The following WDPCP variants were observed in gnomAD, a reference collection of about 807,000 sequenced individuals.
The protein encoded by WDPCP is WD repeat-containing and planar cell polarity effector protein fritz homolog.
In WDPCP, 71 loss-of-function variants were observed where a neutral mutation model predicts 93.1. The ratio of observed to expected loss-of-function variants is 0.76; its 90% confidence interval spans 0.63 to 0.93. WDPCP has a LOEUF of 0.93. WDPCP is among the 40% of genes least tolerant of loss of function. WDPCP has a pLI of 0.00. For synonymous variants in WDPCP, 315 were observed against 315.0 expected (o/e 1.00, Z 0.00); for missense variants, 844 against 887.4 (o/e 0.95, Z 0.62).
chr2:63,684,393 G>A, intron 2 of WDPCP: 1 of 794,436 alleles, frequency 1.3e-6, no homozygotes, highest in Non-Finnish European at 2.2e-6. Context: ...GAAGAACATT[G>A]ATGATGGCAC....
At chr2:63,319,011 C>T (rs1437335090) in intron 12 of WDPCP, among the ~76,000 whole-genome samples, 2 of 152,126 alleles carry the variant, frequency 1.3e-5, no homozygotes, top group African/African-American at 4.8e-5. Flanking sequence ...TAAAAAGGAA[C>T]TACAAATAGA....
At chr2:63,428,795 G>C (rs1340083001) in intron 9 of WDPCP, among the ~76,000 whole-genome samples, 1 of 152,078 alleles carries the variant, frequency 6.6e-6, no homozygotes, top group Admixed American at 6.5e-5. Flanking sequence ...ATTCACAATA[G>C]CCACAAAAAG....
intron 14 of WDPCP, among the ~76,000 whole-genome samples, chr2:63,202,528 C>G (rs556890846): frequency 6.6e-6 from 1 of 151,954 alleles, no homozygotes; most frequent in African/African-American, 2.4e-5. Flanking sequence ...TTTTTTTCCA[C>G]GTGATTTTTC....
rs1692026134 is a variant in WDPCP, at chr2:63,378,374, C to T, written c.1748+12G>A. The T allele has an allele frequency of 1.9e-6, 3 of 1,612,726 alleles. No homozygotes were observed. The highest frequency in any genetic ancestry group is 2.7e-5 in the African/African-American group (2 of 74,954). ...TTAGTCTGACGCTAATCAATCCAAA[C>T]ATATCATTCACCTGAGCAAGTGATG... On this transcript the variant is annotated intron_variant, in intron 12 of 17. Coordinates refer to ENST00000272321, the MANE Select transcript of WDPCP (RefSeq NM_015910.7).
At chr2:63,698,017 G>T (rs568840238) in intron 2 of WDPCP, among the ~76,000 whole-genome samples, 1 of 151,768 alleles carries the variant, frequency 6.6e-6, no homozygotes. Flanking sequence ...GTGCAGTGGC[G>T]TGATCTCGGC....
intron 10 of WDPCP, among the ~76,000 whole-genome samples, chr2:63,392,138 C>A (rs1341746930): frequency 9.9e-5 from 15 of 152,166 alleles, no homozygotes; most frequent in Non-Finnish European, 2.1e-4. Flanking sequence ...TCAAACTATA[C>A]TACAAGGCTA....
chr2:63,706,008 T>C (rs527872154), intron 2 of WDPCP, among the ~76,000 whole-genome samples: 5 of 152,320 alleles, frequency 3.3e-5, no homozygotes, highest in African/African-American at 1.2e-4. Context: ...ATATTTAGAA[T>C]AGTTAGTTCT....
intron 17 of WDPCP, among the ~76,000 whole-genome samples, chr2:63,131,864 C>T (rs1369125672): frequency 1.6e-5 from 2 of 127,388 alleles, no homozygotes; most frequent in African/African-American, 6.0e-5. Context: ...GAGATGGGGT[C>T]TCGCTCTGTC....
chr2:63,297,461 C>T (rs1291976185), intron 13 of WDPCP, among the ~76,000 whole-genome samples: 1 of 152,194 alleles, frequency 6.6e-6, no homozygotes, highest in Non-Finnish European at 1.5e-5. Context: ...CCCTAACATA[C>T]TCTTGAATGG....
At chr2:63,573,526 C>T (rs7607257) in intron 1 of WDPCP, among the ~76,000 whole-genome samples, 123,659 of 152,238 alleles carry the variant, frequency 0.81, 51,047 homozygotes, top group East Asian at 0.98. Context: ...TTCCTATGCC[C>T]GTTTTTACTT....
At chr2:63,572,668 A>ACTC (rs1390397567) in intron 1 of WDPCP, among the ~76,000 whole-genome samples, 2 of 124,962 alleles carry the variant, frequency 1.6e-5, no homozygotes, top group Non-Finnish European at 3.2e-5. Context: ...GCACCACTGT[A>ACTC]CTCCAGCTGG....
chr2:63,543,729 C>A (rs1362398277), intron 1 of WDPCP, among the ~76,000 whole-genome samples: 1 of 151,962 alleles, frequency 6.6e-6, no homozygotes, highest in Non-Finnish European at 1.5e-5. Context: ...AGGAAAGCTA[C>A]TTTTCAAGTT....
chr2:63,209,085 A>C (rs999681186), intron 14 of WDPCP, among the ~76,000 whole-genome samples: 3 of 152,190 alleles, frequency 2.0e-5, no homozygotes, highest in Non-Finnish European at 2.9e-5. Flanking sequence ...GCCAGTAAAA[A>C]ACAAAAACAA....
chr2:63,161,659 A>G (rs1413457059), intron 15 of WDPCP, among the ~76,000 whole-genome samples: 1 of 152,204 alleles, frequency 6.6e-6, no homozygotes, highest in Admixed American at 6.5e-5. Flanking sequence ...AAATGGTGAC[A>G]ATATAATTTG....
At chr2:63,397,403 C>T (rs1693818893) in intron 10 of WDPCP, among the ~76,000 whole-genome samples, 1 of 152,088 alleles carries the variant, frequency 6.6e-6, no homozygotes, top group African/African-American at 2.4e-5. Flanking sequence ...CTAAGGCACA[C>T]ATGTACATCC....
At chr2:63,665,019 G>C (rs1156505908) in intron 2 of WDPCP, among the ~76,000 whole-genome samples, 4 of 152,208 alleles carry the variant, frequency 2.6e-5, no homozygotes, top group African/African-American at 9.6e-5. Context: ...GATAGAGAAA[G>C]TGAGATGGAC....
At chr2:63,659,688 T>C (rs565190130) in intron 2 of WDPCP, among the ~76,000 whole-genome samples, 1 of 152,342 alleles carries the variant, frequency 6.6e-6, no homozygotes, top group East Asian at 1.9e-4. Context: ...TGCATTTCTG[T>C]TGTTTTAAGT....
chr2:63,761,305 C>T (rs966571373), intron 2 of WDPCP, among the ~76,000 whole-genome samples: 11 of 152,044 alleles, frequency 7.2e-5, no homozygotes, highest in South Asian at 2.1e-4. Context: ...AGGTCCTTGC[C>T]GGATGCCAGT....
chr2:63,667,777 C>T (rs1445553001), intron 2 of WDPCP, among the ~76,000 whole-genome samples: 2 of 152,092 alleles, frequency 1.3e-5, no homozygotes, highest in African/African-American at 4.8e-5. Context: ...TTGCTGCACC[C>T]TCTGGATTCT....
Sources: allele counts gnomAD v4.1 joint callset (sites outside exome capture counted in the v4.1 genomes callset), GRCh38; gene constraint gnomAD v4.1.1; transcripts MANE v1.5; gene names NCBI Gene and HGNC (gene_info 2026-07-23, HGNC 2026-07-21).